The following SLC8A1 variants were observed in gnomAD, a reference collection of about 807,000 sequenced individuals.
The protein encoded by SLC8A1 is sodium/calcium exchanger 1.
In SLC8A1, 18 loss-of-function variants were observed where a neutral mutation model predicts 68.3. That is an observed-to-expected ratio of 0.26 (90% CI 0.18 to 0.39). The LOEUF is 0.39. Among genes scored for constraint, SLC8A1 ranks in the 10% least tolerant of loss-of-function variants. The pLI, the probability that SLC8A1 is intolerant of heterozygous loss-of-function variation, is 1.00. For missense variants in SLC8A1, 985 were observed against 1,156.7 expected (o/e 0.85, Z 2.15); for synonymous variants, 475 against 415.5 (o/e 1.14, Z -1.74).
chr2:40,348,960 C>T (rs988009291), intron 2 of SLC8A1, among the ~76,000 whole-genome samples: 1 of 152,134 alleles, frequency 6.6e-6, no homozygotes, highest in Non-Finnish European at 1.5e-5. Context: ...TAAATGATTT[C>T]TTAATTTCGT....
intron 2 of SLC8A1, chr2:40,251,734 G>C (rs1207635730): frequency 6.6e-6 from 1 of 152,178 alleles, no homozygotes; most frequent in African/African-American, 2.4e-5. Flanking sequence ...CTGAATCTCA[G>C]CCTGATGGAG....
At chr2:40,231,496 CTTTT>C (rs534560753) in intron 2 of SLC8A1, among the ~76,000 whole-genome samples, 1 of 151,898 alleles carries the variant, frequency 6.6e-6, no homozygotes, top group Non-Finnish European at 1.5e-5. Context: ...TTTTCACACT[CTTTT>C]TTTTATTTTC....
At chr2:40,337,007 T>A (rs1666173154) in intron 2 of SLC8A1, among the ~76,000 whole-genome samples, 1 of 152,198 alleles carries the variant, frequency 6.6e-6, no homozygotes, top group Non-Finnish European at 1.5e-5. Flanking sequence ...TCCTTAAAGA[T>A]GCCTAAGAAG....
At chr2:40,335,205 C>T (rs1347063689) in intron 2 of SLC8A1, among the ~76,000 whole-genome samples, 2 of 152,178 alleles carry the variant, frequency 1.3e-5, no homozygotes, top group African/African-American at 4.8e-5. Context: ...CTACAACTGG[C>T]TTTCTTTTCT....
At chr2:40,449,940 C>T (rs951583690) in intron 1 of SLC8A1, among the ~76,000 whole-genome samples, 3 of 152,156 alleles carry the variant, frequency 2.0e-5, no homozygotes, top group Admixed American at 2.0e-4. Flanking sequence ...ATCAGGGCTT[C>T]TTTTATAGCA....
In SLC8A1 at chr2:40,277,821, T is replaced by TATATATATAC. The variant is rs1553469387; in HGVS notation, c.1809-99967_1809-99966insGTATATATAT. The stretch of plus-strand genomic sequence containing the variant: ...ATATATATATATATATATATATATA[T>TATATATATAC]ATATATATATTTGTAACATATGGTT... On this transcript the variant is annotated intron_variant, in intron 2 of 7. Coordinates refer to ENST00000406785, the Ensembl canonical transcript of SLC8A1. Among the ~76,000 whole-genome samples, 251 of 137,348 alleles carry TATATATATAC rather than the reference T, an allele frequency of 1.8e-3. 2 individuals are homozygous for TATATATATAC. The highest frequency in any genetic ancestry group is 5.8e-3 in the African/African-American group (219 of 38,082). The allele number at this position is 137,348 out of a possible 152,430, so 90.1% of individuals were successfully genotyped here. A position where few individuals can be genotyped will look rare whatever the true frequency, so the allele number is the denominator to read the frequency against.
chr2:40,281,790 T>G (rs2067564631), intron 2 of SLC8A1, among the ~76,000 whole-genome samples: 1 of 152,190 alleles, frequency 6.6e-6, no homozygotes, highest in African/African-American at 2.4e-5. Flanking sequence ...TCAGGGGAAT[T>G]TCTGTAAGCC....
chr2:40,469,393 G>A (rs1410702608), intron 1 of SLC8A1, among the ~76,000 whole-genome samples: 2 of 152,080 alleles, frequency 1.3e-5, no homozygotes, highest in African/African-American at 4.8e-5. Context: ...ATGTGAAGAA[G>A]GTCCTTGCTT....
In SLC8A1 at chr2:40,290,315, G is replaced by A. The variant is rs1486264745; in HGVS notation, c.1809-112460C>T. Among the ~76,000 whole-genome samples, 3 of 152,012 alleles carry A rather than the reference G, an allele frequency of 2.0e-5. No homozygotes were observed. In the East Asian group the frequency reaches 5.8e-4, roughly 29 times the overall value. The stretch of plus-strand genomic sequence containing the variant: ...TTTTATCTTGGTTTAGTAGTTTCAG[G>A]CAAATTCTGTATCTTCTAGTTGACC... On this transcript the variant is annotated intron_variant, in intron 2 of 7. Coordinates refer to ENST00000406785, the Ensembl canonical transcript of SLC8A1.
chr2:40,264,162 A>G (rs1438249598), intron 2 of SLC8A1, among the ~76,000 whole-genome samples: 14 of 151,738 alleles, frequency 9.2e-5, no homozygotes, highest in Admixed American at 7.9e-4. Flanking sequence ...ACCATCTCAC[A>G]CCAGTTAGAA....
At chr2:40,244,104 G>C (rs2061543356) in intron 2 of SLC8A1, among the ~76,000 whole-genome samples, 1 of 152,162 alleles carries the variant, frequency 6.6e-6, no homozygotes, top group Non-Finnish European at 1.5e-5. Context: ...AAACACAGCT[G>C]CAAGCCTTAC....
At chr2:40,285,358 C>G in intron 2 of SLC8A1, among the ~76,000 whole-genome samples, 1 of 152,250 alleles carries the variant, frequency 6.6e-6, no homozygotes, top group East Asian at 1.9e-4. Flanking sequence ...GTAGTAAACA[C>G]TGTGTAAAAG....
chr2:40,350,005 A>C (rs971150793), intron 2 of SLC8A1, among the ~76,000 whole-genome samples: 1 of 152,182 alleles, frequency 6.6e-6, no homozygotes, highest in Non-Finnish European at 1.5e-5. Context: ...CAGAGATTAG[A>C]ATTTCTGAGC....
chr2:40,343,102 A>G (rs923825566), intron 2 of SLC8A1, among the ~76,000 whole-genome samples: 1 of 152,292 alleles, frequency 6.6e-6, no homozygotes, highest in East Asian at 1.9e-4. Flanking sequence ...TTCTATTAAA[A>G]AAAGGAAGAC....
chr2:40,165,227 G>A (rs2046346444), intron 4 of SLC8A1, among the ~76,000 whole-genome samples: 1 of 152,146 alleles, frequency 6.6e-6, no homozygotes, highest in Admixed American at 6.5e-5. Flanking sequence ...TTCAGTTGAG[G>A]AAAAGTAATG....
At chr2:40,234,721 A>T (rs906566857) in intron 2 of SLC8A1, among the ~76,000 whole-genome samples, 11 of 152,308 alleles carry the variant, frequency 7.2e-5, no homozygotes, top group African/African-American at 1.7e-4. Flanking sequence ...ATTCAGTATG[A>T]TAGTGGCTGT....
intron 2 of SLC8A1, among the ~76,000 whole-genome samples, chr2:40,326,415 T>C (rs886268238): frequency 8.6e-5 from 13 of 151,710 alleles, no homozygotes; most frequent in African/African-American, 2.9e-4. Context: ...GTGCTTCTAT[T>C]TGAAAGGCTC....
At chr2:40,162,147 C>A (rs575723115) in intron 5 of SLC8A1, among the ~76,000 whole-genome samples, 1 of 152,286 alleles carries the variant, frequency 6.6e-6, no homozygotes, top group South Asian at 2.1e-4. Flanking sequence ...AGGGTGATGA[C>A]CTTTCAGCTT....
At chr2:40,388,897 A>G (rs1252205106) in intron 2 of SLC8A1, among the ~76,000 whole-genome samples, 3 of 152,196 alleles carry the variant, frequency 2.0e-5, no homozygotes, top group Non-Finnish European at 4.4e-5. Flanking sequence ...AAATTGCTTA[A>G]GACCTTGAGC....
Sources: allele counts gnomAD v4.1 joint callset (sites outside exome capture counted in the v4.1 genomes callset), GRCh38; gene constraint gnomAD v4.1.1; transcripts MANE v1.5; gene names NCBI Gene and HGNC (gene_info 2026-07-23, HGNC 2026-07-21).